The following KDM3B variants were observed in gnomAD, a reference collection of about 807,000 sequenced individuals.
The protein encoded by KDM3B is lysine demethylase 3B.
In KDM3B, 10 loss-of-function variants were observed where a neutral mutation model predicts 170.0. That is an observed-to-expected ratio of 0.06 (90% CI 0.04 to 0.10). KDM3B has a LOEUF of 0.10. Among genes scored for constraint, KDM3B ranks in the 10% least tolerant of loss-of-function variants. The pLI, the probability that KDM3B is intolerant of heterozygous loss-of-function variation, is 1.00. For missense variants in KDM3B, 1,394 were observed against 2,195.2 expected, an observed-to-expected ratio of 0.64 and a Z score of 7.29; for synonymous variants, 831 against 834.8, an observed-to-expected ratio of 1.00 and a Z score of 0.08.
intron 9 of KDM3B, among the ~76,000 whole-genome samples, chr5:138,397,348 A>G (rs558174598): frequency 2.8e-4 from 42 of 151,984 alleles, no homozygotes; most frequent in Admixed American, 2.1e-3. Flanking sequence ...AAAAAACTAA[A>G]AAATAAAAAA....
At chr5:138,417,650 A>T in intron 13 of KDM3B, 40 bp downstream of exon 13, 1 of 1,597,936 alleles carries the variant, frequency 6.3e-7, no homozygotes, top group Non-Finnish European at 8.6e-7. Flanking sequence ...TGAAGCCTAA[A>T]TTTTTTTGTA....
intron 12 of KDM3B, among the ~76,000 whole-genome samples, chr5:138,417,068 C>T (rs73257872): frequency 0.01 from 1,573 of 152,294 alleles, 35 homozygotes; most frequent in African/African-American, 0.036. Context: ...GCAATTCTTC[C>T]GCCTTGGCCT....
At chr5:138,418,627 C>T (rs1453478209) in intron 13 of KDM3B, among the ~76,000 whole-genome samples, 1 of 152,180 alleles carries the variant, frequency 6.6e-6, no homozygotes, top group Non-Finnish European at 1.5e-5. Flanking sequence ...AAGCCCTTTG[C>T]ATATGCTATT....
In KDM3B at chr5:138,392,051, A is replaced by G; in HGVS notation, c.2419A>G (p.Arg807Gly). The change falls in exon 8 of 24, where the codon AGA becomes GGA. Residue 807 changes from arginine (R) to glycine (G), a missense_variant. Arg to Gly is a moderately radical substitution (Grantham distance 125). This residue lies in a region of KDM3B where 84 missense variants were observed against 135.8 expected (regional missense o/e 0.62). Transcript: ENST00000314358. ...ACTGGATGAACGAAGCTTGGCTTGC[A>G]GACAAGACTCGGACTCCAGCACCAA... Reference protein sequence around the residue: ...FSLDERSLACRQDSDSSTNSD... With the variant: ...FSLDERSLACGQDSDSSTNSD... 3.1e-6 allele frequency: 5 copies of G among 1,614,048 alleles called. No individual in the cohort carries two copies. Among genetic ancestry groups the G allele is most frequent in the Non-Finnish European group, 3.4e-6 (4 of 1,179,856 alleles).
At chr5:138,372,312 AT>A (rs934313740) in intron 1 of KDM3B, among the ~76,000 whole-genome samples, 2 of 152,234 alleles carry the variant, frequency 1.3e-5, no homozygotes, top group Non-Finnish European at 2.9e-5. Flanking sequence ...AGTATGCCAG[AT>A]TCCTTTCTGT....
At chr5:138,431,729 AT>A (rs901398000) in intron 23 of KDM3B, among the ~76,000 whole-genome samples, 170 bp downstream of exon 23, 1 of 151,460 alleles carries the variant, frequency 6.6e-6, no homozygotes, top group African/African-American at 2.4e-5. Flanking sequence ...GAAGCATTTA[AT>A]TTTTTTTTAA....
Position 138,386,023 on chromosome 5 carries a change from G to T in KDM3B, c.782G>T (p.Gly261Val), listed in dbSNP as rs751659871. 1 of 1,595,284 alleles carries T rather than the reference G, an allele frequency of 6.3e-7. No individual in the cohort carries two copies. Among genetic ancestry groups the T allele is most frequent in the Non-Finnish European group, 8.5e-7 (1 of 1,171,034 alleles). Reference sequence around the variant, plus strand: ...TCTTTTTTGAATTTTGTTTTGTAGGGGGGTACGTTAAAAGCAGTAAAATCT... The same window carrying T: ...TCTTTTTTGAATTTTGTTTTGTAGGTGGGTACGTTAAAAGCAGTAAAATCT... ...LMDNSAPQSE[G>V]GTLKAVKSSK... Residue 261 changes from glycine to valine, a missense_variant and splice_region_variant, in exon 7 of 24, where the codon GGG becomes GTG. By Grantham distance (109) the Gly-to-Val change is moderately radical (BLOSUM62 -3). Transcript: ENST00000314358.
intron 18 of KDM3B, 40 bp downstream of exon 18, chr5:138,427,105 C>T: frequency 6.2e-6 from 10 of 1,608,774 alleles, no homozygotes; most frequent in Non-Finnish European, 8.5e-6. Context: ...GAAGCCATCA[C>T]AAAGTAATCA....
chr5:138,404,399 G>T (rs1762764548), intron 11 of KDM3B, among the ~76,000 whole-genome samples: 2 of 152,306 alleles, frequency 1.3e-5, no homozygotes, highest in Admixed American at 1.3e-4. Flanking sequence ...GGCCAAGGTG[G>T]GCGGGATCAC....
rs60280463 is a variant in KDM3B, at chr5:138,388,641, T to TAA, written c.1380+2042_1380+2043dup. Among the ~76,000 whole-genome samples, 485 of 84,476 alleles carry TAA rather than the reference T, an allele frequency of 5.7e-3. 15 individuals are homozygous for TAA. The East Asian group carries it at 0.09, about 16-fold the overall frequency. The allele number at this position is 84,476 out of a possible 152,430, so 55.4% of individuals were successfully genotyped here. A position where few individuals can be genotyped will look rare whatever the true frequency, so the allele number is the denominator to read the frequency against. On this transcript the variant is annotated intron_variant, in intron 7 of 23. Transcript: ENST00000314358. ...GGGCAACAGAGCGAGACTCCGTCTT[T>TAA]AAAAAAAAAAAAAAAAAAAAAAAGG... is the stretch of plus-strand genomic sequence containing the variant.
intron 6 of KDM3B, among the ~76,000 whole-genome samples, chr5:138,384,770 C>A (rs1414159889): frequency 6.8e-6 from 1 of 147,784 alleles, no homozygotes. Context: ...AAAAATTAGC[C>A]GGATGTGGTG....
rs1254635073 is a variant in KDM3B, at chr5:138,419,077, G to T, written c.3560G>T (p.Arg1187Ile). ...HVPKADSTDIRSEEPLKTDSS... is the reference protein window; with the variant it reads ...HVPKADSTDIISEEPLKTDSS... ...CCCAAAGCCGACAGCACTGACATCAGATCTGAAGAGCCTCTGAAAACAGAC... is the reference window on the plus strand; with the variant it reads ...CCCAAAGCCGACAGCACTGACATCATATCTGAAGAGCCTCTGAAAACAGAC... Residue 1187 changes from arginine (R) to isoleucine (I), a missense_variant, in exon 14 of 24, where the codon AGA becomes ATA. Arg to Ile is a moderately conservative substitution (Grantham distance 97, BLOSUM62 -3). Coordinates refer to ENST00000314358, the MANE Select transcript of KDM3B (RefSeq NM_016604.4). 6.2e-7 allele frequency: 1 copy of T among 1,614,208 alleles called. No individual in the cohort carries two copies. Among genetic ancestry groups the T allele is most frequent in the Non-Finnish European group, 8.5e-7 (1 of 1,180,042 alleles).
intron 2 of KDM3B, chr5:138,374,284 T>C (rs1294489664): frequency 2.3e-6 from 1 of 441,636 alleles, no homozygotes. Context: ...GTTGTTAAGA[T>C]GGAGTTTCGT....
chr5:138,378,198 A>G (rs1426326669), intron 4 of KDM3B, among the ~76,000 whole-genome samples: 1 of 152,172 alleles, frequency 6.6e-6, no homozygotes, highest in Non-Finnish European at 1.5e-5. Flanking sequence ...GCATTTCATA[A>G]TATACAGTTT....
chr5:138,413,195 C>T (rs1035261194), intron 11 of KDM3B, among the ~76,000 whole-genome samples: 8 of 152,000 alleles, frequency 5.3e-5, no homozygotes, highest in Admixed American at 1.3e-4. Flanking sequence ...ACCATCCTAG[C>T]TAACATTGAA....
At chr5:138,429,112 G>GT (rs1370119347) in intron 20 of KDM3B, among the ~76,000 whole-genome samples, 1 of 150,798 alleles carries the variant, frequency 6.6e-6, no homozygotes, top group Non-Finnish European at 1.5e-5. Context: ...TTCTTTTTTT[G>GT]TTTTTTTATT....
intron 1 of KDM3B, among the ~76,000 whole-genome samples, chr5:138,362,638 TAAGA>T (rs1761642209): frequency 6.6e-6 from 1 of 150,896 alleles, no homozygotes; most frequent in African/African-American, 2.4e-5. Flanking sequence ...AAGTTGCCTA[TAAGA>T]AATATAGAAA....
At chr5:138,389,772 C>T (rs1762376767) in intron 7 of KDM3B, among the ~76,000 whole-genome samples, 1 of 119,324 alleles carries the variant, frequency 8.4e-6, no homozygotes, top group African/African-American at 3.0e-5. Context: ...TTCTCTCTCT[C>T]TCTCTCTCTC....
At position 138,373,924 on chromosome 5, in the gene KDM3B, AT is replaced by A. The variant is rs1318951377; in HGVS notation, c.360+1090del. ...AATTAAATAAATAATATTCAAAACA[AT>A]TTTTTTAACTGATTGATGGTATATG... On this transcript the variant is annotated intron_variant, in intron 2 of 23. Coordinates refer to ENST00000314358, the MANE Select transcript of KDM3B (RefSeq NM_016604.4). 3.9e-5 allele frequency among the ~76,000 whole-genome samples: 6 copies of A among 152,278 alleles called. 1 individual carries two copies. In the East Asian group the frequency reaches 1.2e-3, roughly 29 times the overall value.
Sources: allele counts gnomAD v4.1 joint callset (sites outside exome capture counted in the v4.1 genomes callset), GRCh38; gene constraint gnomAD v4.1.1; regional missense constraint gnomAD v4.1.1; transcripts MANE v1.5; gene names NCBI Gene and HGNC (gene_info 2026-07-23, HGNC 2026-07-21).